The following EZH2 variants were observed in gnomAD, a reference collection of about 807,000 sequenced individuals.
The protein encoded by EZH2 is histone-lysine N-methyltransferase EZH2.
Under a neutral mutation model 98.4 loss-of-function variants are expected in EZH2, and 18 were observed. The observed-to-expected ratio is 0.18, with a 90% CI of 0.13 to 0.27. The LOEUF is 0.27. EZH2 is among the 10% of genes least tolerant of loss of function. The pLI is 1.00. For synonymous variants in EZH2, 338 were observed against 312.3 expected (o/e 1.08, Z -0.87); for missense variants, 470 against 935.1 (o/e 0.50, Z 6.49).
At chr7:148,816,458 A>C (rs1323121988) in intron 12 of EZH2, among the ~76,000 whole-genome samples, 9 of 152,236 alleles carry the variant, frequency 5.9e-5, no homozygotes. Context: ...GGTAACCGTA[A>C]TTTTTATGAC....
At chr7:148,876,724 C>G (rs1372015655) in intron 1 of EZH2, among the ~76,000 whole-genome samples, 1 of 152,160 alleles carries the variant, frequency 6.6e-6, no homozygotes, top group East Asian at 1.9e-4. Flanking sequence ...TGGCTTAGAG[C>G]AAGGGGCAGC....
chr7:148,841,863 A>G (rs2129483399), intron 3 of EZH2, among the ~76,000 whole-genome samples: 1 of 152,306 alleles, frequency 6.6e-6, no homozygotes, highest in Middle Eastern at 3.4e-3. Flanking sequence ...ATACAAAATA[A>G]TTTACACATT....
At chr7:148,858,121 T>A (rs1227055224) in intron 1 of EZH2, among the ~76,000 whole-genome samples, 1 of 151,746 alleles carries the variant, frequency 6.6e-6, no homozygotes, top group Non-Finnish European at 1.5e-5. Context: ...TGAAACCCCA[T>A]CTCTACTAAA....
intron 12 of EZH2, 47 bp downstream of exon 12, chr7:148,816,637 G>T (rs1446031114): frequency 7.0e-7 from 1 of 1,434,830 alleles, no homozygotes; most frequent in East Asian, 2.3e-5. Flanking sequence ...CTTGCCTGCA[G>T]TGTCTATCTA....
intron 15 of EZH2, among the ~76,000 whole-genome samples, chr7:148,813,077 AC>A (rs550136369): frequency 2.4e-3 from 362 of 152,148 alleles, no homozygotes; most frequent in African/African-American, 8.5e-3. Flanking sequence ...ACACACACAC[AC>A]ACACACAGAG....
At chr7:148,879,309 G>C (rs1820617758) in intron 1 of EZH2, among the ~76,000 whole-genome samples, 1 of 152,128 alleles carries the variant, frequency 6.6e-6, no homozygotes, top group Admixed American at 6.5e-5. Flanking sequence ...CCACCACTTT[G>C]GGAGGACGAG....
At chr7:148,813,431 C>T (rs955259634) in intron 15 of EZH2, among the ~76,000 whole-genome samples, 8 of 151,292 alleles carry the variant, frequency 5.3e-5, no homozygotes, top group Non-Finnish European at 1.0e-4. Context: ...CACCTACATA[C>T]AATTCCCCAG....
chr7:148,809,195 G>C, intron 18 of EZH2, 40 bp from the exon 19 acceptor site: 1 of 1,596,290 alleles, frequency 6.3e-7, no homozygotes, highest in Non-Finnish European at 8.6e-7. Flanking sequence ...CATGAAGACG[G>C]GCCACGGGGG....
At chr7:148,819,472 CTCTG>C (rs992909501) in intron 9 of EZH2, 120 bp downstream of exon 9, 21 of 705,510 alleles carry the variant, frequency 3.0e-5, no homozygotes, top group East Asian at 1.0e-4. Flanking sequence ...GGTGAGAAAG[CTCTG>C]TCTATCATAT....
chr7:148,817,913 CTTCT>C lies in EZH2; in HGVS notation c.1200_1203del (p.Glu401LysfsTer22). 1 of 1,614,166 alleles carries C rather than the reference CTTCT, an allele frequency of 6.2e-7. No individual in the cohort carries two copies. Among genetic ancestry groups the C allele is most frequent in the African/African-American group, 1.3e-5 (1 of 75,040 alleles). On this transcript the variant is annotated frameshift_variant, in exon 10 of 20. Transcript: ENST00000320356. LOFTEE classifies it high-confidence loss of function. Reference sequence around the variant, plus strand: ...GAAGTTTCATCTTTCTTCTCTTCTTCTTCTTTATCATTGTTCTCTCCCCCCGTTT... The same window carrying C: ...GAAGTTTCATCTTTCTTCTCTTCTTCTTATCATTGTTCTCTCCCCCCGTTT...
intron 1 of EZH2, among the ~76,000 whole-genome samples, chr7:148,878,959 T>TG (rs1820557830): frequency 6.6e-6 from 1 of 151,944 alleles, no homozygotes; most frequent in Non-Finnish European, 1.5e-5. Flanking sequence ...GCGCAGTAGC[T>TG]CACGCCTGTA....
At chr7:148,831,673 A>T (rs1295903671) in intron 4 of EZH2, among the ~76,000 whole-genome samples, 2 of 152,244 alleles carry the variant, frequency 1.3e-5, no homozygotes, top group Non-Finnish European at 2.9e-5. Flanking sequence ...TCAAATTTAT[A>T]CAACTACAGA....
intron 1 of EZH2, among the ~76,000 whole-genome samples, chr7:148,858,446 C>G (rs1817179805): frequency 6.6e-6 from 1 of 152,104 alleles, no homozygotes; most frequent in African/African-American, 2.4e-5. Flanking sequence ...AATGATAATC[C>G]CAGCTTGGCC....
chr7:148,861,352 G>C (rs1187015436), intron 1 of EZH2, among the ~76,000 whole-genome samples: 3 of 151,434 alleles, frequency 2.0e-5, no homozygotes, highest in Non-Finnish European at 4.4e-5. Flanking sequence ...TCAGCCTCCT[G>C]AGTAGCTGGG....
intron 5 of EZH2, 141 bp downstream of exon 5, chr7:148,829,587 G>T: frequency 1.2e-6 from 1 of 816,178 alleles, no homozygotes; most frequent in Non-Finnish European, 1.8e-6. Context: ...CTTAGGCCTG[G>T]GCCCAGGTTC....
chr7:148,819,760 G>T, intron 8 of EZH2, 73 bp from the exon 9 acceptor site: 1 of 1,333,412 alleles, frequency 7.5e-7, no homozygotes, highest in Non-Finnish European at 1.1e-6. Flanking sequence ...CAGTTCCACT[G>T]GAAAAGTCAA....
intron 6 of EZH2, among the ~76,000 whole-genome samples, chr7:148,828,241 T>C (rs1477465828): frequency 6.6e-6 from 1 of 152,254 alleles, no homozygotes; most frequent in Non-Finnish European, 1.5e-5. Context: ...TGTTATATAT[T>C]ATAATGATGC....
At chr7:148,829,553 ATAGT>A (rs1808729557) in intron 5 of EZH2, among the ~76,000 whole-genome samples, 171 bp downstream of exon 5, 1 of 152,244 alleles carries the variant, frequency 6.6e-6, no homozygotes, top group Non-Finnish European at 1.5e-5. Context: ...TTTCCCAAAA[ATAGT>A]TAGGGAAAAT....
intron 8 of EZH2, among the ~76,000 whole-genome samples, chr7:148,824,532 T>C (rs1461035455): frequency 3.3e-5 from 5 of 152,212 alleles, no homozygotes; most frequent in Admixed American, 2.6e-4. Context: ...GCTGCAGGGA[T>C]ATGTGGCCTA....
Sources: gnomAD v4.1 joint callset for allele counts (sites outside exome capture counted in the v4.1 genomes callset) on GRCh38, gnomAD v4.1.1 for gene constraint, MANE v1.5 for transcripts, NCBI Gene and HGNC (gene_info 2026-07-23, HGNC 2026-07-21) for gene names.